Variants in CMAS observed in about 807,000 individuals in gnomAD.
CMAS encodes the protein cytidine monophosphate N-acetylneuraminic acid synthetase.
A neutral mutation model predicts 53.4 loss-of-function variants in CMAS; 21 were observed. That is an observed-to-expected ratio of 0.39 (90% CI 0.28 to 0.57). The LOEUF (loss-of-function observed/expected upper bound fraction) is 0.57. Among genes scored for constraint, CMAS ranks in the 20% least tolerant of loss-of-function variants. The pLI, the probability that CMAS is intolerant of heterozygous loss-of-function variation, is 0.56. For missense variants in CMAS, 384 were observed against 534.9 expected (o/e 0.72, Z 2.78); for synonymous variants, 189 against 195.2 (o/e 0.97, Z 0.27).
In CMAS at chr12:22,062,443, C is replaced by CTT. The variant is rs753904819; in HGVS notation, c.1114+13_1114+14dup. On this transcript the variant is annotated intron_variant, in intron 7 of 7. Transcript: ENST00000229329. ...AGAAGTGGCATATCTTGGTTGGTAT[C>CTT]TTTTTATTCACCCATAGTAAAATGG... 52 of 1,610,436 alleles carry CTT rather than the reference C, an allele frequency of 3.2e-5. No individual in the cohort carries two copies. In the African/African-American group the frequency reaches 6.4e-4, roughly 20 times the overall value.
At chr12:22,053,662 G>A (rs1950249861) in intron 1 of CMAS, among the ~76,000 whole-genome samples, 1 of 150,394 alleles carries the variant, frequency 6.6e-6, no homozygotes, top group East Asian at 2.0e-4. Context: ...GGCGGATCAC[G>A]AGGTCAGGAG....
intron 1 of CMAS, among the ~76,000 whole-genome samples, chr12:22,050,565 T>C (rs1019813947): frequency 3.3e-5 from 5 of 152,114 alleles, no homozygotes; most frequent in African/African-American, 1.2e-4. Context: ...GAAGAGTTAG[T>C]GGAAAGATGT....
In CMAS at chr12:22,058,583, A is replaced by G; in HGVS notation, c.576A>G (p.Glu192=). 1 of 1,613,502 alleles carries G rather than the reference A, an allele frequency of 6.2e-7. No homozygotes were observed. Among genetic ancestry groups the G allele is most frequent in the Non-Finnish European group, 8.5e-7 (1 of 1,179,708 alleles). ...EIQKGVREVT[E]PLNLNPAKRP... is the part of the protein sequence containing the mutation. ...TGCTTTTAGTTCGTGAAGTGACCGA[A>G]CCTCTGAATTTAAATCCAGCTAAAC... The change falls in exon 4 of 8, where the codon GAA becomes GAG. Residue 192 remains glutamate (E), a synonymous_variant. Coordinates refer to ENST00000229329, the MANE Select transcript of CMAS (RefSeq NM_018686.6).
intron 4 of CMAS, among the ~76,000 whole-genome samples, chr12:22,060,056 T>A (rs949991935): frequency 6.6e-6 from 1 of 151,976 alleles, no homozygotes; most frequent in Non-Finnish European, 1.5e-5. Context: ...GCTACAGTTA[T>A]TTTTCCTCCC....
Position 22,058,569 on chromosome 12 carries a change from C to A in CMAS, c.562C>A (p.Arg188Ser). Residue 188 changes from arginine (R) to serine (S), a missense_variant and splice_region_variant, in exon 4 of 8, where the codon CGT (arginine) becomes AGT (serine). Around this residue, in one of 3 missense-constraint regions of CMAS, gnomAD observed 139 missense variants for 248.0 expected, o/e 0.56. Coordinates refer to ENST00000229329, the MANE Select transcript of CMAS (RefSeq NM_018686.6). ...TTACTCTAACTTTTTGCTTTTAGTT[C>A]GTGAAGTGACCGAACCTCTGAATTT... ...FRWSEIQKGV[R>S]EVTEPLNLNP... 1 of 1,611,202 alleles carries A rather than the reference C, an allele frequency of 6.2e-7. No homozygotes were observed. Among genetic ancestry groups the A allele is most frequent in the Non-Finnish European group, 8.5e-7 (1 of 1,178,846 alleles).
At chr12:22,050,284 CCTCT>C (rs1414637539) in intron 1 of CMAS, among the ~76,000 whole-genome samples, 1 of 152,220 alleles carries the variant, frequency 6.6e-6, no homozygotes, top group Non-Finnish European at 1.5e-5. Context: ...AATCGCTTAA[CCTCT>C]CTGTGCCTCA....
chr12:22,059,404 G>A (rs922033845), intron 4 of CMAS, among the ~76,000 whole-genome samples: 7 of 152,004 alleles, frequency 4.6e-5, no homozygotes, highest in East Asian at 1.9e-4. Context: ...TCTGCATAGC[G>A]AATGAATGAA....
At chr12:22,064,928 C>A (rs1402626919) in intron 7 of CMAS, among the ~76,000 whole-genome samples, 193 bp from the exon 8 acceptor site, 1 of 152,100 alleles carries the variant, frequency 6.6e-6, no homozygotes, top group Non-Finnish European at 1.5e-5. Context: ...TTTTTGATTG[C>A]TTAGGGAAAA....
At position 22,055,165 on chromosome 12, in the gene CMAS, G is replaced by C; in HGVS notation, c.277G>C (p.Asp93His). Residue 93 changes from aspartate to histidine, a missense_variant, in exon 2 of 8, where the codon GAC (aspartate) becomes CAC (histidine). Transcript: ENST00000229329. Reference protein sequence around the residue: ...GAFQSVWVSTDHDEIENVAKQ... With the variant: ...GAFQSVWVSTHHDEIENVAKQ... ...TCTGAACAGTGTATGGGTTTCGACA[G>C]ACCATGATGAAATTGAGAATGTGGC... The C allele has an allele frequency of 6.2e-7, 1 of 1,613,176 alleles. No homozygotes were observed. The highest frequency in any genetic ancestry group is 8.5e-7 in the Non-Finnish European group (1 of 1,179,624).
intron 4 of CMAS, among the ~76,000 whole-genome samples, chr12:22,060,386 C>T (rs1950301095): frequency 1.6e-5 from 2 of 126,168 alleles, no homozygotes; most frequent in Non-Finnish European, 3.2e-5. Flanking sequence ...TGAAGCATGT[C>T]ATCCCAGCAC....
intron 7 of CMAS, 82 bp from the exon 8 acceptor site, chr12:22,065,039 C>G: frequency 2.7e-6 from 3 of 1,124,706 alleles, no homozygotes; most frequent in Non-Finnish European, 3.8e-6. Flanking sequence ...CCAGAGTTAC[C>G]TGTTGGTTGC....
chr12:22,063,417 CT>C (rs1181127169), intron 7 of CMAS, among the ~76,000 whole-genome samples: 2 of 152,080 alleles, frequency 1.3e-5, no homozygotes, highest in African/African-American at 4.8e-5. Context: ...CAAATTCCAA[CT>C]ATACTTATTA....
chr12:22,051,485 C>T (rs1291321140), intron 1 of CMAS, among the ~76,000 whole-genome samples: 1 of 152,124 alleles, frequency 6.6e-6, no homozygotes, highest in African/African-American at 2.4e-5. Flanking sequence ...TCCTGTTGGT[C>T]CTGTTAGATG....
Position 22,065,244 on chromosome 12 carries a change from C to T in CMAS, c.1238C>T (p.Ala413Val). The change falls in exon 8 of 8, where the codon GCC (alanine) becomes GTC (valine). Residue 413 changes from alanine to valine, a missense_variant. Ala to Val is a moderately conservative substitution (Grantham distance 64, BLOSUM62 0). Coordinates refer to ENST00000229329, the MANE Select transcript of CMAS (RefSeq NM_018686.6). The stretch of plus-strand genomic sequence containing the variant: ...TGCAAATGTAATGGTGGCCGTGGTG[C>T]CATCCGAGAATTTGCAGAGCACATT... ...YICKCNGGRGAIREFAEHICL... is the reference protein window; with the variant it reads ...YICKCNGGRGVIREFAEHICL... 1 of 1,613,806 alleles carries T rather than the reference C, an allele frequency of 6.2e-7. No homozygotes were observed. Among genetic ancestry groups the T allele is most frequent in the Non-Finnish European group, 8.5e-7 (1 of 1,179,866 alleles).
In CMAS at chr12:22,046,404, G is replaced by A; in HGVS notation, c.101G>A (p.Gly34Asp). The A allele has an allele frequency of 6.3e-7, 1 of 1,592,088 alleles. No individual in the cohort carries two copies. Among genetic ancestry groups the A allele is most frequent in the Non-Finnish European group, 8.5e-7 (1 of 1,170,838 alleles). Residue 34 changes from glycine to aspartate, a missense_variant, in exon 1 of 8, where the codon GGC (glycine) becomes GAC (aspartate). Gly to Asp is a moderately conservative substitution (Grantham distance 94). Coordinates refer to ENST00000229329, the MANE Select transcript of CMAS (RefSeq NM_018686.6). ...AAGCTGCAGCGCAACTCTCGCGGCGGCCAGGGCCGAGGTGTGGAGAAGCCC... is the reference window on the plus strand; with the variant it reads ...AAGCTGCAGCGCAACTCTCGCGGCGACCAGGGCCGAGGTGTGGAGAAGCCC... ...PPKLQRNSRG[G>D]QGRGVEKPPH...
chr12:22,049,021 A>G (rs1053221032), intron 1 of CMAS, among the ~76,000 whole-genome samples: 12 of 152,208 alleles, frequency 7.9e-5, no homozygotes, highest in African/African-American at 2.9e-4. Flanking sequence ...CAGTAGTAAC[A>G]GAATACAATC....
Position 22,055,189 on chromosome 12 carries a change from G to T in CMAS, c.301G>T (p.Ala101Ser). Residue 101 changes from alanine to serine, a missense_variant, in exon 2 of 8, where the codon GCC becomes TCC. By Grantham distance (99) the Ala-to-Ser change is moderately conservative. Transcript: ENST00000229329. ...STDHDEIENV[A>S]KQFGAQVHRR... is the part of the protein sequence containing the mutation. ...AGACCATGATGAAATTGAGAATGTG[G>T]CCAAACAATTTGGTGCACAAGTTCA... The T allele has an allele frequency of 6.2e-7, 1 of 1,613,452 alleles. No individual in the cohort carries two copies. Among genetic ancestry groups the T allele is most frequent in the East Asian group, 2.2e-5 (1 of 44,806 alleles).
intron 4 of CMAS, 38 bp downstream of exon 4, chr12:22,058,738 T>C: frequency 3.8e-6 from 6 of 1,595,416 alleles, no homozygotes; most frequent in Non-Finnish European, 5.1e-6. Flanking sequence ...TTTAAGCGCT[T>C]TTGTAGGCAT....
chr12:22,061,017 A>T (rs971545332), intron 5 of CMAS, 91 bp downstream of exon 5: 1 of 840,480 alleles, frequency 1.2e-6, no homozygotes. Context: ...ACATCTTAGG[A>T]TCTTTGTAAT....
Sources: allele counts gnomAD v4.1 joint callset (sites outside exome capture counted in the v4.1 genomes callset), GRCh38; gene constraint gnomAD v4.1.1; regional missense constraint gnomAD v4.1.1; transcripts MANE v1.5; gene names NCBI Gene and HGNC (gene_info 2026-07-23, HGNC 2026-07-21).